Variants in NRXN3 observed in about 807,000 individuals in gnomAD.
NRXN3 encodes neurexin 3.
NRXN3 carries 32 observed loss-of-function variants against 137.6 expected under a neutral mutation model. The observed-to-expected ratio is 0.23, with a 90% CI of 0.18 to 0.31. The LOEUF is 0.31. Ranked by LOEUF, NRXN3 falls within the 10% of genes least tolerant of loss-of-function variation. The pLI is 1.00. For missense variants in NRXN3, 1,574 were observed against 2,062.5 expected (o/e 0.76, Z 4.59); for synonymous variants, 798 against 784.5 (o/e 1.02, Z -0.29).
At chr14:78,749,473 T>C (rs2152947848) in intron 8 of NRXN3, among the ~76,000 whole-genome samples, 1 of 152,304 alleles carries the variant, frequency 6.6e-6, no homozygotes, top group Non-Finnish European at 1.5e-5. Flanking sequence ...CTGCTGCTGA[T>C]TGCTTAGACA....
chr14:78,778,847 T>C (rs2098758052), intron 8 of NRXN3, among the ~76,000 whole-genome samples: 2 of 150,758 alleles, frequency 1.3e-5, no homozygotes, highest in African/African-American at 4.9e-5. Context: ...TTTCTACCTC[T>C]TCTTATTTTC....
At chr14:79,133,327 G>A (rs1475146791) in intron 15 of NRXN3, among the ~76,000 whole-genome samples, 1 of 151,662 alleles carries the variant, frequency 6.6e-6, no homozygotes, top group African/African-American at 2.4e-5. Context: ...TACCTTCATG[G>A]CCCCTCTAGA....
intron 17 of NRXN3, among the ~76,000 whole-genome samples, chr14:79,675,421 A>G (rs1201036325): frequency 1.3e-5 from 2 of 152,140 alleles, no homozygotes; most frequent in Non-Finnish European, 2.9e-5. Flanking sequence ...AACTTGCTTT[A>G]CAAAAACAAG....
At chr14:79,642,690 G>A (rs2153960984) in intron 16 of NRXN3, among the ~76,000 whole-genome samples, 1 of 134,842 alleles carries the variant, frequency 7.4e-6, no homozygotes, top group South Asian at 2.3e-4. Context: ...TCTTCATGGT[G>A]GCCTCAGAGA....
intron 17 of NRXN3, among the ~76,000 whole-genome samples, chr14:79,665,121 CATTA>C (rs2153988041): frequency 6.6e-6 from 1 of 152,274 alleles, no homozygotes; most frequent in East Asian, 1.9e-4. Context: ...CCTAACTCAG[CATTA>C]ATTTTCTTTA....
At chr14:78,563,276 C>T (rs978446736) in intron 4 of NRXN3, among the ~76,000 whole-genome samples, 5 of 152,116 alleles carry the variant, frequency 3.3e-5, no homozygotes, top group Admixed American at 6.5e-5. Flanking sequence ...CAATATTCAT[C>T]GATTAGGGGA....
At chr14:79,247,000 A>G (rs528278459) in intron 15 of NRXN3, 18 of 152,310 alleles carry the variant, frequency 1.2e-4, no homozygotes, top group Non-Finnish European at 2.2e-4. Flanking sequence ...TTCTAGTAAT[A>G]ACAACCAAAT....
chr14:78,228,324 T>A (rs1166925829), intron 1 of NRXN3, among the ~76,000 whole-genome samples: 1 of 151,932 alleles, frequency 6.6e-6, no homozygotes, highest in Non-Finnish European at 1.5e-5. Context: ...ACCCAGATAA[T>A]TTTGGCATTT....
In NRXN3 at chr14:79,867,903, C is replaced by T. The variant is rs1056250093; in HGVS notation, c.*5939C>T. ...AAGACAACAACAGCTAAAAGCAATGCATGCTCAGATCTTGGGAGATGTATT... is the reference window on the plus strand; with the variant it reads ...AAGACAACAACAGCTAAAAGCAATGTATGCTCAGATCTTGGGAGATGTATT... On this transcript the variant is annotated 3_prime_UTR_variant, in exon 21 of 21. Coordinates refer to ENST00000335750, the MANE Select transcript of NRXN3 (RefSeq NM_001330195.2). The T allele has an allele frequency of 1.3e-5, 2 of 151,428 alleles. No individual in the cohort carries two copies. The highest frequency in any genetic ancestry group is 2.9e-5 in the Non-Finnish European group (2 of 67,938). 9.4% of individuals were successfully genotyped at this position (151,428 alleles called of 1,614,324 possible).
At chr14:79,014,971 C>A (rs150776772) in intron 15 of NRXN3, among the ~76,000 whole-genome samples, 1 of 152,204 alleles carries the variant, frequency 6.6e-6, no homozygotes, top group Non-Finnish European at 1.5e-5. Context: ...TGCAGAGTTC[C>A]CAGCCATCCC....
intron 15 of NRXN3, among the ~76,000 whole-genome samples, chr14:79,056,206 T>A (rs1263947219): frequency 6.6e-6 from 1 of 152,158 alleles, no homozygotes; most frequent in Non-Finnish European, 1.5e-5. Flanking sequence ...TAGCTAACAG[T>A]TAAAAAAGTA....
intron 15 of NRXN3, among the ~76,000 whole-genome samples, chr14:79,356,561 T>C (rs531942075): frequency 1.3e-5 from 2 of 152,290 alleles, no homozygotes; most frequent in African/African-American, 4.8e-5. Context: ...TAAAACACTA[T>C]TAATAGGAAC....
intron 4 of NRXN3, among the ~76,000 whole-genome samples, chr14:78,582,913 C>T (rs1427412622): frequency 1.3e-5 from 2 of 152,200 alleles, no homozygotes. Flanking sequence ...TCATATCTCT[C>T]ATATGATACT....
chr14:78,859,380 C>G (rs1014678294), intron 10 of NRXN3, among the ~76,000 whole-genome samples: 3 of 152,070 alleles, frequency 2.0e-5, no homozygotes, highest in Non-Finnish European at 4.4e-5. Context: ...ATAAAACCAA[C>G]CAGATGCTAA....
chr14:79,453,057 G>A (rs1024955032), intron 15 of NRXN3, among the ~76,000 whole-genome samples: 1 of 152,084 alleles, frequency 6.6e-6, no homozygotes, highest in African/African-American at 2.4e-5. Context: ...TGTGGCTCTT[G>A]GCTGTAGACT....
intron 19 of NRXN3, among the ~76,000 whole-genome samples, chr14:79,756,629 A>T (rs537847989): frequency 1.3e-5 from 2 of 152,318 alleles, no homozygotes; most frequent in African/African-American, 4.8e-5. Flanking sequence ...GCCAAAGCAG[A>T]TAATGCCAGT....
intron 15 of NRXN3, among the ~76,000 whole-genome samples, chr14:79,375,325 A>G (rs995756331): frequency 1.4e-5 from 2 of 147,672 alleles, no homozygotes; most frequent in African/African-American, 5.0e-5. Flanking sequence ...TTCATAGAAC[A>G]AAATTTGGAA....
At chr14:78,420,522 C>A (rs1289632964) in intron 4 of NRXN3, among the ~76,000 whole-genome samples, 1 of 152,178 alleles carries the variant, frequency 6.6e-6, no homozygotes, top group Admixed American at 6.5e-5. Flanking sequence ...AACATTTACA[C>A]TCCTCACCTT....
chr14:79,846,139 T>C lies in NRXN3; in HGVS notation c.4094-15203T>C, dbSNP rs562827339. ...AGAATTACCAAAATGTAACACAGAG[T>C]TGCAAAGTGAGCACAGGCAGGTAGA... On this transcript the variant is annotated intron_variant, in intron 20 of 20. Coordinates refer to ENST00000335750, the MANE Select transcript of NRXN3 (RefSeq NM_001330195.2). 7.2e-5 allele frequency among the ~76,000 whole-genome samples: 11 copies of C among 151,768 alleles called. No homozygotes were observed. In the East Asian group the frequency reaches 2.1e-3, roughly 29 times the overall value.
Sources: gnomAD v4.1 joint callset for allele counts (sites outside exome capture counted in the v4.1 genomes callset) on GRCh38, gnomAD v4.1.1 for gene constraint, MANE v1.5 for transcripts, NCBI Gene and HGNC (gene_info 2026-07-23, HGNC 2026-07-21) for gene names.